Variants in PCDHB6 observed in about 807,000 individuals in gnomAD.
PCDHB6 encodes protocadherin beta-6.
For synonymous variants in PCDHB6, 506 were observed against 459.0 expected (o/e 1.10, Z -1.31); for missense variants, 1,137 against 1,010.1 (o/e 1.13, Z -1.70).
rs201133451 is a variant in PCDHB6, at chr5:141,151,517, G to C, written c.1260G>C (p.Thr420=). 9.9e-6 allele frequency: 16 copies of C among 1,614,154 alleles called. No individual in the cohort carries two copies. Among genetic ancestry groups the C allele is most frequent in the Non-Finnish European group, 1.4e-5 (16 of 1,180,030 alleles). ...ESRAEYNITI[T]VTDLGTPRLK... ...GAGCCGAGTACAACATCACTATCAC[G>C]GTCACTGATTTGGGGACACCAAGGC... Residue 420 remains threonine, a synonymous_variant, in exon 1 of 1, where the codon ACG becomes ACC. Coordinates refer to ENST00000231136, the MANE Select transcript of PCDHB6 (RefSeq NM_018939.4).
rs1459633868 is a variant in PCDHB6 at position 141,151,112 on chromosome 5, C to T, written c.855C>T (p.Asp285=). The T allele has an allele frequency of 6.2e-7, 1 of 1,614,072 alleles. No homozygotes were observed. The highest frequency in any genetic ancestry group is 2.2e-5 in the East Asian group (1 of 44,906). Residue 285 remains aspartate (D), a synonymous_variant, in exon 1 of 1, where the codon GAC becomes GAT. Coordinates refer to ENST00000231136, the MANE Select transcript of PCDHB6 (RefSeq NM_018939.4). ...CTTACGCCCTGTTTCAAGTCGATGA[C>T]GTCAACCAACCCTTCGAAATAAACG... ...KVSYALFQVD[D]VNQPFEINAI...
At position 141,151,998 on chromosome 5, in the gene PCDHB6, G is replaced by A. The variant is rs782759466; in HGVS notation, c.1741G>A (p.Gly581Ser). The A allele has an allele frequency of 1.9e-6, 3 of 1,609,554 alleles. No individual in the cohort carries two copies. The highest frequency in any genetic ancestry group is 1.7e-5 in the Admixed American group (1 of 59,956). ...GCTGGTGCCCCGGGCGGCCGAGCCG[G>A]GCTACCTGGTGACCAAGGTGGTGGC... is the stretch of plus-strand genomic sequence containing the variant. ...TELVPRAAEP[G>S]YLVTKVVAVD... Residue 581 changes from glycine to serine, a missense_variant, in exon 1 of 1, where the codon GGC becomes AGC. Transcript: ENST00000231136.
In PCDHB6 at chr5:141,151,271, G is replaced by C. The variant is rs246708; in HGVS notation, c.1014G>C (p.Val338=). The C allele has an allele frequency of 0.19, 305,722 of 1,613,878 alleles. 32,582 individuals carry two copies. The highest frequency in any genetic ancestry group is 0.43 in the African/African-American group (32,222 of 74,902). Residue 338 remains valine (V), a synonymous_variant, in exon 1 of 1, where the codon GTG becomes GTC. Coordinates refer to ENST00000231136, the MANE Select transcript of PCDHB6 (RefSeq NM_018939.4). ...KCSLVVRVLD[V]NDNAPELTMS... ...CTTTAGTCGTCAGGGTCCTGGACGTGAATGACAATGCCCCTGAACTCACCA... is the reference window on the plus strand; with the variant it reads ...CTTTAGTCGTCAGGGTCCTGGACGTCAATGACAATGCCCCTGAACTCACCA...
Position 141,151,101 on chromosome 5 carries a change from C to A in PCDHB6, c.844C>A (p.Gln282Lys). The A allele has an allele frequency of 6.2e-7, 1 of 1,614,228 alleles. No homozygotes were observed. Among genetic ancestry groups the A allele is most frequent in the Non-Finnish European group, 8.5e-7 (1 of 1,180,036 alleles). Residue 282 changes from glutamine to lysine, a missense_variant, in exon 1 of 1, where the codon CAA becomes AAA. Coordinates refer to ENST00000231136, the MANE Select transcript of PCDHB6 (RefSeq NM_018939.4). ...SFGKVSYALF[Q>K]VDDVNQPFEI... ...TGGGAAGGTATCTTACGCCCTGTTT[C>A]AAGTCGATGACGTCAACCAACCCTT...
In PCDHB6 at chr5:141,152,551, T is replaced by G; in HGVS notation, c.2294T>G (p.Leu765Arg). The change falls in exon 1 of 1, where the codon CTG (leucine) becomes CGG (arginine). Residue 765 changes from leucine to arginine, a missense_variant. By Grantham distance (102) the Leu-to-Arg change is moderately radical. Coordinates refer to ENST00000231136, the MANE Select transcript of PCDHB6 (RefSeq NM_018939.4). ...GGSETNEFKF[L>R]KPIMPNFPPQ... ...TCAGAAACAAATGAGTTCAAGTTCC[T>G]GAAGCCGATTATGCCCAACTTCCCT... The G allele has an allele frequency of 6.2e-7, 1 of 1,614,020 alleles. No homozygotes were observed. Among genetic ancestry groups the G allele is most frequent in the South Asian group, 1.1e-5 (1 of 91,088 alleles).
rs1325197122 is a variant in PCDHB6, at chr5:141,151,184, A to T, written c.927A>T (p.Glu309Asp). Reference protein sequence around the residue: ...IRLRKALDFEEIQSYDVDVEA... With the variant: ...IRLRKALDFEDIQSYDVDVEA... Reference sequence around the variant, plus strand: ...TGAGAAAGGCTTTGGATTTTGAGGAAATTCAGTCTTATGACGTGGATGTTG... The same window carrying T: ...TGAGAAAGGCTTTGGATTTTGAGGATATTCAGTCTTATGACGTGGATGTTG... Residue 309 changes from glutamate (E) to aspartate (D), a missense_variant, in exon 1 of 1, where the codon GAA becomes GAT. Transcript: ENST00000231136. 4 of 1,614,040 alleles carry T rather than the reference A, an allele frequency of 2.5e-6. No individual in the cohort carries two copies. Among genetic ancestry groups the T allele is most frequent in the Non-Finnish European group, 3.4e-6 (4 of 1,180,036 alleles).
chr5:141,150,476 T>A lies in PCDHB6; in HGVS notation c.219T>A (p.His73Gln). Residue 73 changes from histidine to glutamine, a missense_variant, in exon 1 of 1, where the codon CAT becomes CAA. His to Gln is a conservative substitution (Grantham distance 24). Coordinates refer to ENST00000231136, the MANE Select transcript of PCDHB6 (RefSeq NM_018939.4). ...ARVVFKGNRQHLQFDPQTHDL... is the reference protein window; with the variant it reads ...ARVVFKGNRQQLQFDPQTHDL... ...TTGTTTTCAAAGGGAACAGACAACA[T>A]TTGCAGTTTGATCCACAGACCCATG... 6.2e-7 allele frequency: 1 copy of A among 1,614,114 alleles called. No individual in the cohort carries two copies. The highest frequency in any genetic ancestry group is 8.5e-7 in the Non-Finnish European group (1 of 1,180,030).
chr5:141,152,521 G>T lies in PCDHB6; in HGVS notation c.2264G>T (p.Gly755Val). 1 of 1,614,090 alleles carries T rather than the reference G, an allele frequency of 6.2e-7. No individual in the cohort carries two copies. The stretch of plus-strand genomic sequence containing the variant: ...TACCAGTACAAGGTGTGTCTGACGG[G>T]AGGCTCAGAAACAAATGAGTTCAAG... ...QSYQYKVCLT[G>V]GSETNEFKFL... The change falls in exon 1 of 1, where the codon GGA (glycine) becomes GTA (valine). Residue 755 changes from glycine (G) to valine (V), a missense_variant. By Grantham distance (109) the Gly-to-Val change is moderately radical. Coordinates refer to ENST00000231136, the MANE Select transcript of PCDHB6 (RefSeq NM_018939.4).
Position 141,150,691 on chromosome 5 carries a change from C to G in PCDHB6, c.434C>G (p.Thr145Ser). Reference sequence around the variant, plus strand: ...ATGCTCCTGAAAATATCAGAAATTACTATGCCAGGAAAGATATTTCCTTTG... The same window carrying G: ...ATGCTCCTGAAAATATCAGAAATTAGTATGCCAGGAAAGATATTTCCTTTG... ...REMLLKISEI[T>S]MPGKIFPLKM... is the part of the protein sequence containing the mutation. The change falls in exon 1 of 1, where the codon ACT becomes AGT. Residue 145 changes from threonine to serine, a missense_variant. Transcript: ENST00000231136. 2 of 1,614,186 alleles carry G rather than the reference C, an allele frequency of 1.2e-6. No homozygotes were observed. The highest frequency in any genetic ancestry group is 1.7e-6 in the Non-Finnish European group (2 of 1,180,042).
chr5:141,152,573 C>T lies in PCDHB6; in HGVS notation c.2316C>T (p.Phe772=). 1 of 1,613,992 alleles carries T rather than the reference C, an allele frequency of 6.2e-7. No individual in the cohort carries two copies. The highest frequency in any genetic ancestry group is 8.5e-7 in the Non-Finnish European group (1 of 1,179,992). Residue 772 remains phenylalanine, a synonymous_variant, in exon 1 of 1, where the codon TTC becomes TTT. Coordinates refer to ENST00000231136, the MANE Select transcript of PCDHB6 (RefSeq NM_018939.4). ...FKFLKPIMPN[F]PPQGTEREME... is the part of the protein sequence containing the mutation. Reference sequence around the variant, plus strand: ...TCCTGAAGCCGATTATGCCCAACTTCCCTCCTCAGGGCACTGAGAGAGAAA... The same window carrying T: ...TCCTGAAGCCGATTATGCCCAACTTTCCTCCTCAGGGCACTGAGAGAGAAA...
In PCDHB6 at chr5:141,150,913, C is replaced by A; in HGVS notation, c.656C>A (p.Pro219Gln). ...LTLIALDGGS[P>Q]PRSGTSEIQI... The stretch of plus-strand genomic sequence containing the variant: ...CTGATCGCGCTGGATGGCGGGTCTC[C>A]GCCCCGGTCAGGGACCTCCGAGATT... Residue 219 changes from proline (P) to glutamine (Q), a missense_variant, in exon 1 of 1, where the codon CCG (proline) becomes CAG (glutamine). By Grantham distance (76) the Pro-to-Gln change is moderately conservative. Transcript: ENST00000231136. 1 of 1,614,094 alleles carries A rather than the reference C, an allele frequency of 6.2e-7. No individual in the cohort carries two copies. Among genetic ancestry groups the A allele is most frequent in the Non-Finnish European group, 8.5e-7 (1 of 1,179,992 alleles).
In PCDHB6 at chr5:141,150,306, A is replaced by T. The variant is rs782133857; in HGVS notation, c.49A>T (p.Ile17Phe). The change falls in exon 1 of 1, where the codon ATT becomes TTT. Residue 17 changes from isoleucine to phenylalanine, a missense_variant. Coordinates refer to ENST00000231136, the MANE Select transcript of PCDHB6 (RefSeq NM_018939.4). ...CAAGAAAAGGCAAGTGGCTTTCTTC[A>T]TTTTATTGATGCTTTGGGGAGAGGT... ...QNKKRQVAFF[I>F]LLMLWGEVGS... 1 of 1,613,770 alleles carries T rather than the reference A, an allele frequency of 6.2e-7. No homozygotes were observed. Among genetic ancestry groups the T allele is most frequent in the African/African-American group, 1.3e-5 (1 of 74,904 alleles).
chr5:141,151,475 G>A lies in PCDHB6; in HGVS notation c.1218G>A (p.Ala406=), dbSNP rs142222504. ...TCTACACCCTGGTAACAGAAGGCGC[G>A]CTGGACAGAGAGAGCAGAGCCGAGT... ...ENFYTLVTEG[A]LDRESRAEYN... is the part of the protein sequence containing the mutation. Residue 406 remains alanine, a synonymous_variant, in exon 1 of 1, where the codon GCG becomes GCA. Transcript: ENST00000231136. 2.5e-6 allele frequency: 4 copies of A among 1,614,130 alleles called. No homozygotes were observed. Among genetic ancestry groups the A allele is most frequent in the South Asian group, 2.2e-5 (2 of 91,080 alleles).
In PCDHB6 at chr5:141,150,777, A is replaced by C. The variant is rs1554277509; in HGVS notation, c.520A>C (p.Asn174His). 8 of 1,614,080 alleles carry C rather than the reference A, an allele frequency of 5.0e-6. No homozygotes were observed. Among genetic ancestry groups the C allele is most frequent in the Non-Finnish European group, 6.8e-6 (8 of 1,180,030 alleles). Residue 174 changes from asparagine (N) to histidine (H), a missense_variant, in exon 1 of 1, where the codon AAC (asparagine) becomes CAC (histidine). Coordinates refer to ENST00000231136, the MANE Select transcript of PCDHB6 (RefSeq NM_018939.4). ...CCTTCAGAGGTACACAATCAGCTCC[A>C]ACCCTCACTTCCACGTTCTCACCCG... ...NGLQRYTISS[N>H]PHFHVLTRNR... is the part of the protein sequence containing the mutation.
chr5:141,152,129 C>G lies in PCDHB6; in HGVS notation c.1872C>G (p.Thr624=), dbSNP rs1554277925. ...GVWAHNGEVR[T]ARLLSERDAA... ...GGGCGCACAATGGCGAGGTGCGCAC[C>G]GCCAGGCTGCTGAGCGAGCGAGACG... The change falls in exon 1 of 1, where the codon ACC becomes ACG. Residue 624 remains threonine, a synonymous_variant. Coordinates refer to ENST00000231136, the MANE Select transcript of PCDHB6 (RefSeq NM_018939.4). The G allele has an allele frequency of 1.2e-6, 2 of 1,607,332 alleles. No homozygotes were observed. The highest frequency in any genetic ancestry group is 2.2e-5 in the South Asian group (2 of 90,980).
rs1187665320 is a variant in PCDHB6, at chr5:141,150,270, A to G, written c.13A>G (p.Lys5Glu). 1.9e-6 allele frequency: 3 copies of G among 1,611,038 alleles called. No homozygotes were observed. Among genetic ancestry groups the G allele is most frequent in the Admixed American group, 1.7e-5 (1 of 59,800 alleles). Residue 5 changes from lysine (K) to glutamate (E), a missense_variant, in exon 1 of 1, where the codon AAA becomes GAA. By Grantham distance (56) the Lys-to-Glu change is moderately conservative. Transcript: ENST00000231136. ...AGACATAATAGACATGATGCAAACT[A>G]AAGTACAGAACAAGAAAAGGCAAGT... MMQT[K>E]VQNKKRQVAF...
rs781866653 is a variant in PCDHB6, at chr5:141,152,596, A to G, written c.2339A>G (p.Glu780Gly). Reference protein sequence around the residue: ...PNFPPQGTEREMEETPTSRNS... With the variant: ...PNFPPQGTERGMEETPTSRNS... ...TTCCCTCCTCAGGGCACTGAGAGAG[A>G]AATGGAAGAAACCCCCACCTCTCGG... The change falls in exon 1 of 1, where the codon GAA becomes GGA. Residue 780 changes from glutamate to glycine, a missense_variant. Transcript: ENST00000231136. The G allele has an allele frequency of 6.2e-7, 1 of 1,611,330 alleles. No individual in the cohort carries two copies. The highest frequency in any genetic ancestry group is 1.3e-5 in the African/African-American group (1 of 74,772).
chr5:141,151,093 C>CCCTG lies in PCDHB6; in HGVS notation c.837_840dup (p.Phe281ProfsTer6), dbSNP rs1563889533. 3 of 1,614,214 alleles carry CCCTG rather than the reference C, an allele frequency of 1.9e-6. No individual in the cohort carries two copies. The highest frequency in any genetic ancestry group is 3.3e-4 in the Middle Eastern group (2 of 6,062). The stretch of plus-strand genomic sequence containing the variant: ...GGATCGTTTGGGAAGGTATCTTACG[C>CCCTG]CCTGTTTCAAGTCGATGACGTCAAC... On this transcript the variant is annotated frameshift_variant, in exon 1 of 1. Transcript: ENST00000231136. LOFTEE classifies it low-confidence loss of function (END_TRUNC).
Position 141,151,043 on chromosome 5 carries a change from C to G in PCDHB6, c.786C>G (p.Thr262=), listed in dbSNP as rs938680596. Residue 262 remains threonine, a synonymous_variant, in exon 1 of 1, where the codon ACC becomes ACG. Coordinates refer to ENST00000231136, the MANE Select transcript of PCDHB6 (RefSeq NM_018939.4). ...ENNPLGSLVI[T]VSARDLDAGS... is the part of the protein sequence containing the mutation. The stretch of plus-strand genomic sequence containing the variant: ...ACCCCCTCGGCTCTCTGGTTATTAC[C>G]GTCTCAGCCAGAGATTTAGATGCAG... The G allele has an allele frequency of 1.2e-6, 2 of 1,614,230 alleles. No individual in the cohort carries two copies. The highest frequency in any genetic ancestry group is 1.7e-6 in the Non-Finnish European group (2 of 1,180,038).
Sources: allele counts gnomAD v4.1 joint callset, GRCh38; gene constraint gnomAD v4.1.1; transcripts MANE v1.5; gene names NCBI Gene and HGNC (gene_info 2026-07-23, HGNC 2026-07-21).